Variants in SEC63 observed in about 807,000 individuals in gnomAD.
SEC63 encodes the protein translocation protein SEC63 homolog.
SEC63 carries 56 observed loss-of-function variants against 116.2 expected under a neutral mutation model. The observed-to-expected ratio is 0.48, with a 90% CI of 0.39 to 0.60. The LOEUF (loss-of-function observed/expected upper bound fraction) is 0.60. Among genes scored for constraint, SEC63 ranks in the 20% least tolerant of loss-of-function variants. The probability of loss-of-function intolerance (pLI) is 0.00; values close to 1 mark genes in which losing one functional copy is unlikely to be tolerated. For synonymous variants in SEC63, 273 were observed against 294.6 expected, an observed-to-expected ratio of 0.93 and a Z score of 0.75; for missense variants, 668 against 900.0, an observed-to-expected ratio of 0.74 and a Z score of 3.30.
chr6:107,895,354 GCTTC>G (rs1029082527), intron 14 of SEC63, among the ~76,000 whole-genome samples: 84 of 152,220 alleles, frequency 5.5e-4, no homozygotes, highest in African/African-American at 2.0e-3. Context: ...CATGACAAAT[GCTTC>G]CTTATCACTT....
chr6:107,875,912 T>C (rs954603393), intron 19 of SEC63, among the ~76,000 whole-genome samples: 1 of 152,128 alleles, frequency 6.6e-6, no homozygotes, highest in African/African-American at 2.4e-5. Context: ...CCTCTATAAA[T>C]TTATTATTAA....
chr6:107,876,670 CAAAAAAA>C lies in SEC63; in HGVS notation c.1936-15_1936-9del, dbSNP rs749125299. 9.7e-5 allele frequency: 74 copies of C among 760,246 alleles called. No homozygotes were observed. Among genetic ancestry groups the C allele is most frequent in the East Asian group, 1.5e-4 (5 of 32,540 alleles). The allele number at this position is 760,246 out of a possible 1,614,324, so 47.1% of individuals were successfully genotyped here. On this transcript the variant is annotated splice_polypyrimidine_tract_variant and intron_variant, in intron 18 of 20. Coordinates refer to ENST00000369002, the MANE Select transcript of SEC63 (RefSeq NM_007214.5). ...CCACCATTCTTGTTTTTCCTGGAAA[CAAAAAAA>C]AAAAAAAAAAAAGAAGAGGGGTATA... is the stretch of plus-strand genomic sequence containing the variant.
intron 4 of SEC63, among the ~76,000 whole-genome samples, chr6:107,916,629 T>C (rs1787406197): frequency 6.6e-6 from 1 of 152,254 alleles, no homozygotes; most frequent in Non-Finnish European, 1.5e-5. Context: ...GTGCCATTTT[T>C]CCAACAGCAT....
At chr6:107,891,833 G>T (rs1358360495) in intron 16 of SEC63, among the ~76,000 whole-genome samples, 2 of 152,174 alleles carry the variant, frequency 1.3e-5, no homozygotes. Context: ...AGGTCTGCTG[G>T]AGTTTGCTGG....
chr6:107,876,845 C>T (rs1341085016), intron 18 of SEC63, 183 bp from the exon 19 acceptor site: 1 of 568,540 alleles, frequency 1.8e-6, no homozygotes, highest in Non-Finnish European at 3.1e-6. Flanking sequence ...ATTTGTAGAT[C>T]CATTGCCTAA....
intron 7 of SEC63, among the ~76,000 whole-genome samples, chr6:107,910,589 A>G (rs537375665): frequency 1.3e-5 from 2 of 152,210 alleles, no homozygotes; most frequent in Admixed American, 1.3e-4. Flanking sequence ...ATACACATGT[A>G]TGTCATACAC....
chr6:107,924,970 C>T, intron 2 of SEC63, 38 bp from the exon 3 acceptor site: 1 of 1,132,714 alleles, frequency 8.8e-7, no homozygotes, highest in Non-Finnish European at 1.3e-6. Context: ...TAAACAAATA[C>T]ATCTGCATAG....
intron 8 of SEC63, among the ~76,000 whole-genome samples, chr6:107,908,595 C>T (rs1787205763): frequency 1.3e-5 from 2 of 151,982 alleles, no homozygotes; most frequent in Admixed American, 1.3e-4. Flanking sequence ...GAGAACACAG[C>T]AAAAATTAAA....
At chr6:107,896,021 C>T (rs1453107999) in intron 14 of SEC63, among the ~76,000 whole-genome samples, 1 of 151,636 alleles carries the variant, frequency 6.6e-6, no homozygotes, top group Non-Finnish European at 1.5e-5. Flanking sequence ...AAAAAATTGG[C>T]TGGACATGGT....
intron 4 of SEC63, among the ~76,000 whole-genome samples, chr6:107,919,200 C>T (rs1053754098): frequency 6.6e-6 from 1 of 152,084 alleles, no homozygotes; most frequent in Admixed American, 6.6e-5. Flanking sequence ...CATGAGCTAC[C>T]GCGCCTGGCC....
At chr6:107,955,806 C>G (rs1770699424) in intron 1 of SEC63, among the ~76,000 whole-genome samples, 1 of 152,026 alleles carries the variant, frequency 6.6e-6, no homozygotes, top group Admixed American at 6.6e-5. Context: ...CTGCTTGAAC[C>G]CAGCAGGTGG....
intron 14 of SEC63, among the ~76,000 whole-genome samples, chr6:107,896,570 A>G (rs941885410): frequency 1.3e-5 from 2 of 152,238 alleles, no homozygotes; most frequent in Non-Finnish European, 2.9e-5. Context: ...ATATGTACGT[A>G]TGCACTATAA....
In SEC63 at chr6:107,911,277, A is replaced by G. The variant is rs1787278028; in HGVS notation, c.624+69T>C. ...TATTCTAACATACATTTAAAATGTT[A>G]TAGGGAGACTCCAAAACATGTCAAT... On this transcript the variant is annotated intron_variant, in intron 7 of 20. Transcript: ENST00000369002. 4.9e-6 allele frequency: 5 copies of G among 1,015,504 alleles called. No individual in the cohort carries two copies. The East Asian group carries it at 1.2e-4, about 24-fold the overall frequency. 62.9% of individuals were successfully genotyped at this position (1,015,504 alleles called of 1,614,324 possible). A position where few individuals can be genotyped will look rare whatever the true frequency, so the allele number is the denominator to read the frequency against.
chr6:107,898,737 C>T (rs1285937069), intron 13 of SEC63, among the ~76,000 whole-genome samples: 3 of 152,040 alleles, frequency 2.0e-5, no homozygotes, highest in Non-Finnish European at 1.5e-5. Context: ...CTCAAATATA[C>T]CTTCCATTCA....
At chr6:107,920,790 G>A (rs1346228545) in intron 4 of SEC63, among the ~76,000 whole-genome samples, 2 of 152,144 alleles carry the variant, frequency 1.3e-5, no homozygotes, top group African/African-American at 4.8e-5. Context: ...AGAGATCACT[G>A]CATCTAATGT....
At chr6:107,900,396 C>T (rs1485731052) in intron 13 of SEC63, among the ~76,000 whole-genome samples, 1 of 152,008 alleles carries the variant, frequency 6.6e-6, no homozygotes, top group Non-Finnish European at 1.5e-5. Context: ...AATCACAGCA[C>T]TGCGGGAGGC....
intron 14 of SEC63, among the ~76,000 whole-genome samples, chr6:107,894,657 A>C (rs147091598): frequency 2.8e-4 from 42 of 152,360 alleles, no homozygotes; most frequent in African/African-American, 9.9e-4. Context: ...GGCTGTGTTT[A>C]ATAAACTCCC....
chr6:107,891,504 A>C (rs1414818066), intron 16 of SEC63, among the ~76,000 whole-genome samples: 4 of 151,956 alleles, frequency 2.6e-5, no homozygotes, highest in African/African-American at 9.7e-5. Flanking sequence ...TTGGGTTAGA[A>C]CATGCTCCTT....
At chr6:107,930,939 G>A (rs1001325936) in intron 1 of SEC63, among the ~76,000 whole-genome samples, 4 of 152,174 alleles carry the variant, frequency 2.6e-5, no homozygotes, top group African/African-American at 9.7e-5. Context: ...AGGTTGCAGT[G>A]AGCTGAGATC....
Sources: allele counts gnomAD v4.1 joint callset (sites outside exome capture counted in the v4.1 genomes callset), GRCh38; gene constraint gnomAD v4.1.1; transcripts MANE v1.5; gene names NCBI Gene and HGNC (gene_info 2026-07-23, HGNC 2026-07-21).